The following SPG11 variants were observed in gnomAD, a reference collection of about 807,000 sequenced individuals.
SPG11 encodes spatacsin.
In SPG11, 222 loss-of-function variants were observed where a neutral mutation model predicts 274.0. That is an observed-to-expected ratio of 0.81 (90% CI 0.73 to 0.91). SPG11 has a LOEUF of 0.91. Among genes scored for constraint, SPG11 ranks in the 40% least tolerant of loss-of-function variants. SPG11 has a pLI of 0.00. For missense variants in SPG11, 3,114 were observed against 2,872.7 expected, an observed-to-expected ratio of 1.08 and a Z score of -1.92; for synonymous variants, 1,144 against 1,039.7, an observed-to-expected ratio of 1.10 and a Z score of -1.93.
intron 30 of SPG11, among the ~76,000 whole-genome samples, chr15:44,577,166 G>C (rs1326053412): frequency 6.6e-6 from 1 of 151,956 alleles, no homozygotes; most frequent in African/African-American, 2.4e-5. Context: ...TATGTTATGT[G>C]ATTTGCTACA....
In SPG11 at chr15:44,584,046, T is replaced by C; in HGVS notation, c.5634A>G (p.Leu1878=). 1 of 1,614,208 alleles carries C rather than the reference T, an allele frequency of 6.2e-7. No homozygotes were observed. Residue 1878 remains leucine (L), a synonymous_variant, in exon 30 of 40, where the codon CTA becomes CTG. Transcript: ENST00000261866. ...CCAGTAGGCGCCCAATCAAAAAGTT[T>C]AGTGACTCCTGCTCTTTCCAATCCA... ...NRLDWKEQES[L]NFLIGRLLDD... is the part of the protein sequence containing the mutation.
At chr15:44,602,112 T>C (rs1250895404) in intron 20 of SPG11, among the ~76,000 whole-genome samples, 3 of 152,266 alleles carry the variant, frequency 2.0e-5, no homozygotes, top group Admixed American at 2.0e-4. Context: ...CTAACAGTTT[T>C]ACTGGTAGAG....
chr15:44,564,750 TCAAAAA>T (rs749239036), intron 38 of SPG11, 52 bp from the exon 39 acceptor site: 2 of 1,598,008 alleles, frequency 1.3e-6, no homozygotes, highest in South Asian at 2.2e-5. Flanking sequence ...TGATGTAAAA[TCAAAAA>T]CAAACTGTTG....
At chr15:44,565,080 TAAG>T (rs976429436) in intron 38 of SPG11, among the ~76,000 whole-genome samples, 1 of 152,230 alleles carries the variant, frequency 6.6e-6, no homozygotes, top group Non-Finnish European at 1.5e-5. Flanking sequence ...TTGAAACTGC[TAAG>T]AATATATTAT....
intron 3 of SPG11, among the ~76,000 whole-genome samples, chr15:44,657,843 CTGAG>C (rs911027064): frequency 9.2e-5 from 14 of 152,184 alleles, no homozygotes; most frequent in African/African-American, 3.4e-4. Flanking sequence ...AATGACTGAA[CTGAG>C]TATCAGCTTT....
At chr15:44,581,391 G>A (rs2082656579) in intron 30 of SPG11, among the ~76,000 whole-genome samples, 2 of 151,992 alleles carry the variant, frequency 1.3e-5, no homozygotes, top group South Asian at 2.1e-4. Context: ...ATTTTTTGTA[G>A]TGACGGGGTT....
At chr15:44,630,752 G>A (rs2084038093) in intron 8 of SPG11, among the ~76,000 whole-genome samples, 1 of 151,970 alleles carries the variant, frequency 6.6e-6, no homozygotes, top group Admixed American at 6.6e-5. Flanking sequence ...GCTAATTTTT[G>A]TATTTTTAGT....
At chr15:44,578,375 G>A (rs115298828) in intron 30 of SPG11, among the ~76,000 whole-genome samples, 1,904 of 152,082 alleles carry the variant, frequency 0.013, 48 homozygotes, top group African/African-American at 0.044. Context: ...GTCTCAGGAG[G>A]GCGGAGTAGA....
At chr15:44,599,157 T>C (rs2083119783) in intron 21 of SPG11, among the ~76,000 whole-genome samples, 1 of 152,160 alleles carries the variant, frequency 6.6e-6, no homozygotes, top group South Asian at 2.1e-4. Flanking sequence ...TTATCAATTA[T>C]GAGTACGTAT....
rs779150349 is a variant in SPG11 at position 44,564,536 on chromosome 15, T to C, written c.7151+11A>G. On this transcript the variant is annotated intron_variant, in intron 39 of 39. Transcript: ENST00000261866. ...AAGGAGCAATGTTTACAGTCAACTT[T>C]TAATACTTACTTTTTGGAAATCTCT... 7.4e-6 allele frequency: 12 copies of C among 1,613,288 alleles called. No individual in the cohort carries two copies. The highest frequency in any genetic ancestry group is 5.5e-5 in the South Asian group (5 of 91,048).
chr15:44,658,221 A>T (rs1236589746), intron 3 of SPG11, among the ~76,000 whole-genome samples: 2 of 152,224 alleles, frequency 1.3e-5, no homozygotes, highest in Admixed American at 6.5e-5. Flanking sequence ...ATTACAAAAT[A>T]TAAAAACCAT....
chr15:44,598,589 C>T, intron 22 of SPG11, 42 bp downstream of exon 22: 2 of 1,583,408 alleles, frequency 1.3e-6, no homozygotes, highest in Non-Finnish European at 1.7e-6. Context: ...GACCTCGTCA[C>T]ACCTTCTCTA....
chr15:44,608,450 A>G lies in SPG11; in HGVS notation c.3447T>C (p.Leu1149=). The stretch of plus-strand genomic sequence containing the variant: ...GGCCACCTAAATACTGTACCTGAAT[A>G]AGGTGGTAGATTGTAATATCAGATG... ...VLPSDITIYH[L]IQSLSPFDPS... The change falls in exon 19 of 40, where the codon CTT becomes CTC. Residue 1149 remains leucine, a synonymous_variant. Transcript: ENST00000261866. 1 of 1,614,054 alleles carries G rather than the reference A, an allele frequency of 6.2e-7. No homozygotes were observed. The highest frequency in any genetic ancestry group is 8.5e-7 in the Non-Finnish European group (1 of 1,179,928).
At chr15:44,646,366 T>C (rs1455974761) in intron 7 of SPG11, among the ~76,000 whole-genome samples, 2 of 152,140 alleles carry the variant, frequency 1.3e-5, no homozygotes, top group South Asian at 2.1e-4. Flanking sequence ...CTCAGGAAAC[T>C]TACAATCATG....
chr15:44,655,402 G>A (rs1245795160), intron 4 of SPG11, among the ~76,000 whole-genome samples: 1 of 152,182 alleles, frequency 6.6e-6, no homozygotes, highest in Non-Finnish European at 1.5e-5. Context: ...CTCCCAAGTA[G>A]AGAAAAGTCA....
intron 1 of SPG11, 38 bp downstream of exon 1, chr15:44,663,353 G>C (rs1227353029): frequency 1.3e-6 from 2 of 1,593,182 alleles, no homozygotes; most frequent in South Asian, 2.3e-5. Context: ...CCTAGGCTCT[G>C]GACTCCCCCA....
rs1274205803 is a variant in SPG11 at position 44,592,376 on chromosome 15, T to C, written c.4698A>G (p.Lys1566=). 16 of 1,612,794 alleles carry C rather than the reference T, an allele frequency of 9.9e-6. No homozygotes were observed. Among genetic ancestry groups the C allele is most frequent in the Non-Finnish European group, 1.4e-5 (16 of 1,178,836 alleles). The change falls in exon 27 of 40, where the codon AAA becomes AAG. Residue 1566 remains lysine (K), a synonymous_variant. Transcript: ENST00000261866. The part of the protein sequence containing the change: ...YELCMFFRNY[K]EAEAKLLEFQ... ...ACTCCAGAAGTTTAGCTTCAGCTTC[T>C]TTATAATTCCTGAAGAACATACACA...
At chr15:44,565,775 C>T in intron 38 of SPG11, 79 bp downstream of exon 38, 3 of 1,573,738 alleles carry the variant, frequency 1.9e-6, no homozygotes. Flanking sequence ...GCCCTGAGAC[C>T]TTACCTCTGG....
chr15:44,587,625 G>A (rs2082794813), intron 28 of SPG11, among the ~76,000 whole-genome samples: 2 of 146,504 alleles, frequency 1.4e-5, no homozygotes, highest in Non-Finnish European at 3.0e-5. Flanking sequence ...GGGAGGCAGA[G>A]GTTGCAGTTG....
Sources: allele counts gnomAD v4.1 joint callset (sites outside exome capture counted in the v4.1 genomes callset), GRCh38; gene constraint gnomAD v4.1.1; transcripts MANE v1.5; gene names NCBI Gene and HGNC (gene_info 2026-07-23, HGNC 2026-07-21).